Variants in SRD5A2 observed in about 807,000 individuals in gnomAD.
SRD5A2 encodes 3-oxo-5-alpha-steroid 4-dehydrogenase 2.
In SRD5A2, 30 loss-of-function variants were observed where a neutral mutation model predicts 27.4. That is an observed-to-expected ratio of 1.10 (90% CI 0.82 to 1.49). The LOEUF is 1.49. Ranked by LOEUF, SRD5A2 falls within the 40% of genes most tolerant of loss-of-function variation. The pLI, the probability that SRD5A2 is intolerant of heterozygous loss-of-function variation, is 0.00. For missense variants in SRD5A2, 348 were observed against 323.4 expected (o/e 1.08, Z -0.58); for synonymous variants, 141 against 133.6 (o/e 1.06, Z -0.38).
intron 1 of SRD5A2, among the ~76,000 whole-genome samples, chr2:31,543,664 T>C (rs1666184802): frequency 6.6e-6 from 1 of 152,176 alleles, no homozygotes; most frequent in Admixed American, 6.5e-5. Context: ...CAGAGTTTTA[T>C]GTTATTGAAA....
chr2:31,581,595 C>T (rs1378034276), upstream of SRD5A2, among the ~76,000 whole-genome samples: 1 of 152,176 alleles, frequency 6.6e-6, no homozygotes, highest in Non-Finnish European at 1.5e-5. Flanking sequence ...CATCCCCGCA[C>T]GCGTCCCTGA....
intron 2 of SRD5A2, among the ~76,000 whole-genome samples, chr2:31,532,541 C>A (rs1429016995): frequency 6.6e-6 from 1 of 152,134 alleles, no homozygotes; most frequent in African/African-American, 2.4e-5. Context: ...CAGCCAGGAT[C>A]AGGGATGCTA....
At chr2:31,607,498 A>G in the SRD5A2 span, among the ~76,000 whole-genome samples, 1 of 151,912 alleles carries the variant, frequency 6.6e-6, no homozygotes, top group Non-Finnish European at 1.5e-5. Context: ...CATTCTTAAA[A>G]TACTGGAAAA....
chr2:31,550,472 G>A (rs1213531216), intron 1 of SRD5A2, among the ~76,000 whole-genome samples: 1 of 150,384 alleles, frequency 6.6e-6, no homozygotes, highest in Non-Finnish European at 1.5e-5. Flanking sequence ...CAGGCTACTA[G>A]TCCCCATAAA....
Position 31,549,271 on chromosome 2 carries a change from C to T in SRD5A2, c.282-15505G>A, listed in dbSNP as rs562941402. Among the ~76,000 whole-genome samples, 156 of 151,902 alleles carry T rather than the reference C, an allele frequency of 1.0e-3. 2 individuals are homozygous for T. The South Asian group carries it at 0.019, about 18-fold the overall frequency. On this transcript the variant is annotated intron_variant, in intron 1 of 4. Transcript: ENST00000622030. ...GGGACTATAGGTGCCCACCACCACACCAGTCTAATTTTTTGTATTTTTAGT... is the reference window on the plus strand; with the variant it reads ...GGGACTATAGGTGCCCACCACCACATCAGTCTAATTTTTTGTATTTTTAGT...
At chr2:31,653,831 T>C in the SRD5A2 span, among the ~76,000 whole-genome samples, 1 of 152,128 alleles carries the variant, frequency 6.6e-6, no homozygotes, top group Non-Finnish European at 1.5e-5. Flanking sequence ...AGCTAATTTT[T>C]GTATTTTTAG....
intron 1 of SRD5A2, among the ~76,000 whole-genome samples, chr2:31,542,550 A>G (rs1157677229): frequency 1.3e-5 from 2 of 152,198 alleles, no homozygotes; most frequent in Non-Finnish European, 1.5e-5. Context: ...CATGTGGATG[A>G]AGTCAAGAAA....
In SRD5A2 at chr2:31,526,192, T is replaced by C. The variant is rs747876709; in HGVS notation, c.*4A>G. 3 of 1,569,562 alleles carry C rather than the reference T, an allele frequency of 1.9e-6. No individual in the cohort carries two copies. The highest frequency in any genetic ancestry group is 1.7e-4 in the Middle Eastern group (1 of 6,004). On this transcript the variant is annotated 3_prime_UTR_variant, in exon 5 of 5. Coordinates refer to ENST00000622030, the MANE Select transcript of SRD5A2 (RefSeq NM_000348.4). ...GAGCTCTGCTCCTTTTTAATTTGGT[T>C]CCTTTAAAAGATGAATGGAATAAGG...
chr2:31,622,553 C>T, the SRD5A2 span, among the ~76,000 whole-genome samples: 2 of 152,060 alleles, frequency 1.3e-5, no homozygotes, highest in Non-Finnish European at 2.9e-5. Flanking sequence ...AATGTGCAGT[C>T]GGGCATCGTC....
intron 1 of SRD5A2, among the ~76,000 whole-genome samples, chr2:31,536,544 C>T (rs1293206354): frequency 6.6e-6 from 1 of 152,156 alleles, no homozygotes; most frequent in African/African-American, 2.4e-5. Context: ...CTGGGAAATG[C>T]AGCTGATTGG....
chr2:31,591,419 T>A, the SRD5A2 span, among the ~76,000 whole-genome samples: 1 of 152,168 alleles, frequency 6.6e-6, no homozygotes, highest in East Asian at 1.9e-4. Flanking sequence ...ATGGCGATCA[T>A]TAAAAAGTCA....
At chr2:31,614,540 C>T in the SRD5A2 span, among the ~76,000 whole-genome samples, 2 of 152,168 alleles carry the variant, frequency 1.3e-5, no homozygotes, top group African/African-American at 2.4e-5. Context: ...GTGGATCTAC[C>T]ATTCTGGGGT....
the SRD5A2 span, among the ~76,000 whole-genome samples, chr2:31,631,924 A>T: frequency 6.6e-6 from 1 of 152,192 alleles, no homozygotes; most frequent in Non-Finnish European, 1.5e-5. Flanking sequence ...ACTAAGGAAA[A>T]CTAGGAAGAA....
chr2:31,619,192 G>A, the SRD5A2 span, among the ~76,000 whole-genome samples: 139 of 152,216 alleles, frequency 9.1e-4, no homozygotes, highest in African/African-American at 3.3e-3. Context: ...AGGGAAATTA[G>A]AACTCTCATA....
chr2:31,647,489 A>G, the SRD5A2 span, among the ~76,000 whole-genome samples: 1 of 152,236 alleles, frequency 6.6e-6, no homozygotes, highest in Admixed American at 6.5e-5. Flanking sequence ...GGTTTAAGAC[A>G]TATGGTGGTT....
chr2:31,654,099 C>A, the SRD5A2 span, among the ~76,000 whole-genome samples: 1 of 151,748 alleles, frequency 6.6e-6, no homozygotes, highest in African/African-American at 2.4e-5. Flanking sequence ...AAAAAAAAGC[C>A]CAGCAACAGC....
chr2:31,536,368 C>T (rs1019062390), intron 1 of SRD5A2, among the ~76,000 whole-genome samples: 1 of 152,208 alleles, frequency 6.6e-6, no homozygotes, highest in Non-Finnish European at 1.5e-5. Context: ...CACAGCCATT[C>T]AGGACCCAGG....
the SRD5A2 span, among the ~76,000 whole-genome samples, chr2:31,608,012 C>T: frequency 6.6e-6 from 1 of 151,990 alleles, no homozygotes; most frequent in Non-Finnish European, 1.5e-5. Context: ...TCACCAGACA[C>T]TGACCCTGTT....
chr2:31,605,878 C>T, the SRD5A2 span, among the ~76,000 whole-genome samples: 1 of 151,716 alleles, frequency 6.6e-6, no homozygotes, highest in Non-Finnish European at 1.5e-5. Flanking sequence ...TTCATAATAT[C>T]CAAGAATTAG....
Sources: gnomAD v4.1 joint callset for allele counts (sites outside exome capture counted in the v4.1 genomes callset) on GRCh38, gnomAD v4.1.1 for gene constraint, MANE v1.5 for transcripts, NCBI Gene and HGNC (gene_info 2026-07-23, HGNC 2026-07-21) for gene names.